PKD1: variants seen among roughly 807,000 people sequenced by gnomAD.
PKD1 encodes the protein polycystin-1.
Under a neutral mutation model 361.7 loss-of-function variants are expected in PKD1, and 81 were observed. The observed-to-expected ratio is 0.22, with a 90% CI of 0.19 to 0.27. The LOEUF is 0.27. Ranked by LOEUF, PKD1 falls within the 10% of genes least tolerant of loss-of-function variation. The probability of loss-of-function intolerance (pLI) is 1.00; values close to 1 mark genes in which losing one functional copy is unlikely to be tolerated. For missense variants in PKD1, 6,399 were observed against 6,118.3 expected, an observed-to-expected ratio of 1.05 and a Z score of -1.53; for synonymous variants, 3,615 against 2,818.3, an observed-to-expected ratio of 1.28 and a Z score of -8.95.
chr16:2,124,319 GC>G (rs1242102698), intron 1 of PKD1, among the ~76,000 whole-genome samples: 1 of 152,182 alleles, frequency 6.6e-6, no homozygotes, highest in Admixed American at 6.5e-5. Flanking sequence ...GGGCCCCCTC[GC>G]CCTGGAGCCT....
chr16:2,092,441 G>A (rs781643391), intron 39 of PKD1, 39 bp downstream of exon 39: 1 of 1,371,022 alleles, frequency 7.3e-7, no homozygotes, highest in Non-Finnish European at 1.0e-6. Context: ...CTCAACAAGA[G>A]GAACGATTTA....
At position 2,090,608 on chromosome 16, in the gene PKD1, C is replaced by T; in HGVS notation, c.12139-18G>A. The T allele has an allele frequency of 1.2e-6, 2 of 1,608,660 alleles. No individual in the cohort carries two copies. The highest frequency in any genetic ancestry group is 2.2e-5 in the South Asian group (2 of 91,050). On this transcript the variant is annotated intron_variant, in intron 44 of 45. Transcript: ENST00000262304. The stretch of plus-strand genomic sequence containing the variant: ...GACACGAGCTGCGGGGAAGGCGACA[C>T]CAGTGAGGGCGTACAGCTGAGCTGA...
rs142692220 is a variant in PKD1 at position 2,111,204 on chromosome 16, C to G, written c.3963G>C (p.Pro1321=). 6.2e-7 allele frequency: 1 copy of G among 1,611,384 alleles called. No homozygotes were observed. Among genetic ancestry groups the G allele is most frequent in the South Asian group, 1.1e-5 (1 of 91,014 alleles). ...ARLTAYVTGN[P]AHYLFDWTFG... ...AGGTCCAGTCGAAGAGGTAGTGGGCCGGGTTCCCGGTGACGTAGGCCGTGA... is the reference window on the plus strand; with the variant it reads ...AGGTCCAGTCGAAGAGGTAGTGGGCGGGGTTCCCGGTGACGTAGGCCGTGA... The change falls in exon 15 of 46, where the codon CCG becomes CCC. Residue 1321 remains proline (P), a synonymous_variant. Coordinates refer to ENST00000262304, the MANE Select transcript of PKD1 (RefSeq NM_001009944.3).
chr16:2,092,293 G>A, intron 39 of PKD1, 105 bp from the exon 40 acceptor site: 3 of 1,272,488 alleles, frequency 2.4e-6, no homozygotes, highest in East Asian at 2.5e-5. Context: ...CGCCACCCCA[G>A]GGAACCCTCC....
intron 23 of PKD1, 47 bp from the exon 24 acceptor site, chr16:2,103,017 C>G (rs1596524489): frequency 6.3e-7 from 1 of 1,591,438 alleles, no homozygotes; most frequent in African/African-American, 1.3e-5. Flanking sequence ...AGCTCAACCA[C>G]CCGGGGGACA....
At chr16:2,105,706 G>A (rs2092314378) in intron 20 of PKD1, 159 bp downstream of exon 20, 3 of 1,294,468 alleles carry the variant, frequency 2.3e-6, no homozygotes, top group South Asian at 1.3e-5. Context: ...CGGTGGGTGT[G>A]GCTGCTGGGA....
In PKD1 at chr16:2,114,519, C is replaced by T. The variant is rs767700847; in HGVS notation, c.2504G>A (p.Arg835His). Residue 835 changes from arginine (R) to histidine (H), a missense_variant, in exon 11 of 46, where the codon CGC becomes CAC. Coordinates refer to ENST00000262304, the MANE Select transcript of PKD1 (RefSeq NM_001009944.3). The part of the protein sequence containing the change: ...RVIYPAPRDG[R>H]LYVPTNGSAL... ...TGAGCCGTTGGTGGGCACGTAGAGG[C>T]GGCCGTCGCGGGGGGCAGGGTAGAT... 6 of 1,594,368 alleles carry T rather than the reference C, an allele frequency of 3.8e-6. No individual in the cohort carries two copies. Among genetic ancestry groups the T allele is most frequent in the Admixed American group, 1.7e-5 (1 of 59,848 alleles).
rs370455159 is a variant in PKD1, at chr16:2,091,841, C to A, written c.11477G>T (p.Ser3826Ile). 3 of 1,610,298 alleles carry A rather than the reference C, an allele frequency of 1.9e-6. No homozygotes were observed. The highest frequency in any genetic ancestry group is 2.5e-6 in the Non-Finnish European group (3 of 1,179,102). ...SGGYVQELGL[S>I]LEESRDRLRF... ...CAGCCGGTCGCGGCTCTCCTCCAGG[C>A]TCAGGCCCAGCTCCTGCACGTAGCC... The change falls in exon 41 of 46, where the codon AGC (serine) becomes ATC (isoleucine). Residue 3826 changes from serine to isoleucine, a missense_variant. Ser to Ile is a moderately radical substitution (Grantham distance 142). Transcript: ENST00000262304.
chr16:2,102,706 C>T, intron 24 of PKD1, 73 bp from the exon 25 acceptor site: 2 of 1,607,704 alleles, frequency 1.2e-6, no homozygotes, highest in South Asian at 1.1e-5. Context: ...AGAGCCCATA[C>T]CCGGTCCAGT....
At chr16:2,097,016 G>C (rs374022445) in intron 34 of PKD1, 132 bp downstream of exon 34, 1 of 682,496 alleles carries the variant, frequency 1.5e-6, no homozygotes, top group Admixed American at 2.1e-5. Context: ...GTTCAGAGAA[G>C]TGAAGTGGTG....
At position 2,091,917 on chromosome 16, in the gene PKD1, G is replaced by A. The variant is rs1036702689; in HGVS notation, c.11412-11C>T. 2 of 1,611,588 alleles carry A rather than the reference G, an allele frequency of 1.2e-6. No individual in the cohort carries two copies. Among genetic ancestry groups the A allele is most frequent in the East Asian group, 2.2e-5 (1 of 44,850 alleles). On this transcript the variant is annotated splice_polypyrimidine_tract_variant and intron_variant, in intron 40 of 45. Coordinates refer to ENST00000262304, the MANE Select transcript of PKD1 (RefSeq NM_001009944.3). ...CCCCAGGACCATGCCCTGCCGGAGA[G>A]GGGTGGCGTGGGTGCCGCACCCCAG...
Position 2,108,994 on chromosome 16 carries a change from T to A in PKD1, c.6173A>T (p.Gln2058Leu), listed in dbSNP as rs746817602. The A allele has an allele frequency of 1.9e-6, 3 of 1,610,404 alleles. No individual in the cohort carries two copies. The highest frequency in any genetic ancestry group is 2.7e-5 in the African/African-American group (2 of 75,002). ...SENRTLVLEVQDAVQYVALQS... is the reference protein window; with the variant it reads ...SENRTLVLEVLDAVQYVALQS... ...CAGGGCCACATACTGGACGGCGTCC[T>A]GAACCTCCAGCACCAGCGTGCGGTT... The change falls in exon 15 of 46, where the codon CAG becomes CTG. Residue 2058 changes from glutamine (Q) to leucine (L), a missense_variant. Coordinates refer to ENST00000262304, the MANE Select transcript of PKD1 (RefSeq NM_001009944.3).
In PKD1 at chr16:2,108,010, A is replaced by C; in HGVS notation, c.6938T>G (p.Leu2313Arg). 1 of 1,549,040 alleles carries C rather than the reference A, an allele frequency of 6.5e-7. No individual in the cohort carries two copies. Among genetic ancestry groups the C allele is most frequent in the Non-Finnish European group, 8.7e-7 (1 of 1,147,814 alleles). Residue 2313 changes from leucine to arginine, a missense_variant, in exon 16 of 46, where the codon CTG becomes CGG. Transcript: ENST00000262304. ...STQREAGGCA[L>R]NFGPRGSSTV... ...GCTGCTCCCGCGGGGCCCAAAGTTC[A>C]GCGCACACCCGCCAGCCTCCCTCTG...
At chr16:2,107,463 G>A (rs1178594205) in intron 16 of PKD1, 4 of 366,118 alleles carry the variant, frequency 1.1e-5, no homozygotes, top group Non-Finnish European at 1.6e-5. Context: ...GCACCAGCAG[G>A]CCCCGCCTGA....
chr16:2,088,917 T>A lies in PKD1; in HGVS notation c.*810A>T. The stretch of plus-strand genomic sequence containing the variant: ...CACACACAGTCACCTTCCTCCACCC[T>A]GGGAGCCAGCCCCCAGGAGGAGTCT... On this transcript the variant is annotated 3_prime_UTR_variant, in exon 46 of 46. Coordinates refer to ENST00000262304, the MANE Select transcript of PKD1 (RefSeq NM_001009944.3). 1 of 387,622 alleles carries A rather than the reference T, an allele frequency of 2.6e-6. No homozygotes were observed. The allele number at this position is 387,622 out of a possible 1,614,324, so 24.0% of individuals were successfully genotyped here. A position where few individuals can be genotyped will look rare whatever the true frequency, so the allele number is the denominator to read the frequency against.
intron 22 of PKD1, 137 bp downstream of exon 22, chr16:2,104,361 G>A (rs1207803111): frequency 9.3e-6 from 5 of 536,728 alleles, no homozygotes; most frequent in African/African-American, 5.8e-5. Flanking sequence ...GGGGGAGGGG[G>A]ATGAGGATGG....
Position 2,116,035 on chromosome 16 carries a change from G to A in PKD1, c.1806C>T (p.Pro602=), listed in dbSNP as rs1167205694. ...GGTACACCTGCAGCCGCAGCTGGGC[G>A]GGCCGCCGGAGCTCCTGGGTCCCAA... ...AEFGTQELRR[P]AQLRLQVYRL... Residue 602 remains proline, a synonymous_variant, in exon 9 of 46, where the codon CCC becomes CCT. Transcript: ENST00000262304. 2.3e-5 allele frequency: 36 copies of A among 1,542,274 alleles called. No individual in the cohort carries two copies. The highest frequency in any genetic ancestry group is 2.9e-5 in the Non-Finnish European group (33 of 1,141,364).
At position 2,105,841 on chromosome 16, in the gene PKD1, C is replaced by G. The variant is rs764487962; in HGVS notation, c.7863+24G>C. On this transcript the variant is annotated intron_variant, in intron 20 of 45. Transcript: ENST00000262304. ...CCAAGCACGCATGCAGCAGATGTGA[C>G]GTCCCCTCCCAGGCTGCACTCACCT... 1.5e-4 allele frequency: 246 copies of G among 1,591,868 alleles called. 2 individuals are homozygous for G. The Middle Eastern group carries it at 2.3e-3, about 15-fold the overall frequency.
chr16:2,102,710 G>C, intron 24 of PKD1, 77 bp from the exon 25 acceptor site: 3 of 1,606,492 alleles, frequency 1.9e-6, no homozygotes, highest in East Asian at 2.2e-5. Flanking sequence ...CCCATACCCG[G>C]TCCAGTCCCC....
Sources: allele counts gnomAD v4.1 joint callset (sites outside exome capture counted in the v4.1 genomes callset), GRCh38; gene constraint gnomAD v4.1.1; transcripts MANE v1.5; gene names NCBI Gene and HGNC (gene_info 2026-07-23, HGNC 2026-07-21).